The following KAT6A variants were observed in gnomAD, a reference collection of about 807,000 sequenced individuals.
KAT6A encodes the protein lysine acetyltransferase 6A.
KAT6A carries 9 observed loss-of-function variants against 198.4 expected under a neutral mutation model. The ratio of observed to expected loss-of-function variants is 0.05; its 90% CI spans 0.03 to 0.08. KAT6A has a LOEUF of 0.08. Ranked by LOEUF, KAT6A falls within the 10% of genes least tolerant of loss-of-function variation. The pLI is 1.00. For synonymous variants in KAT6A, 890 were observed against 883.0 expected (o/e 1.01, Z -0.14); for missense variants, 2,077 against 2,509.9 (o/e 0.83, Z 3.69).
intron 8 of KAT6A, among the ~76,000 whole-genome samples, chr8:41,968,350 T>C (rs1363590009): frequency 6.6e-6 from 1 of 152,172 alleles, no homozygotes; most frequent in Non-Finnish European, 1.5e-5. Context: ...AAGACATTTA[T>C]GCAGCCAAAA....
intron 2 of KAT6A, among the ~76,000 whole-genome samples, chr8:42,000,503 A>T (rs1825441891): frequency 1.3e-5 from 2 of 151,558 alleles, no homozygotes; most frequent in Non-Finnish European, 2.9e-5. Context: ...GTGAGCCGAG[A>T]TCACACCATT....
chr8:41,979,986 G>A (rs1318441773), intron 5 of KAT6A, among the ~76,000 whole-genome samples: 2 of 152,152 alleles, frequency 1.3e-5, no homozygotes, highest in African/African-American at 4.8e-5. Context: ...ATGGGTGAGG[G>A]GGTGGAATAA....
intron 2 of KAT6A, among the ~76,000 whole-genome samples, chr8:42,014,924 A>C (rs1253624651): frequency 6.6e-6 from 1 of 152,212 alleles, no homozygotes; most frequent in Non-Finnish European, 1.5e-5. Context: ...TTACAGGTTC[A>C]GGATTACGCT....
chr8:41,970,724 G>A (rs552101957), intron 8 of KAT6A, among the ~76,000 whole-genome samples: 6 of 152,308 alleles, frequency 3.9e-5, no homozygotes, highest in South Asian at 2.1e-4. Flanking sequence ...ATTACTGGGT[G>A]TATACCCAAA....
intron 2 of KAT6A, among the ~76,000 whole-genome samples, chr8:42,002,475 C>T (rs1368120473): frequency 6.6e-6 from 1 of 152,148 alleles, no homozygotes; most frequent in African/African-American, 2.4e-5. Flanking sequence ...GCACGAGTAT[C>T]ACTTGAACCT....
rs113017851 is a variant in KAT6A, at chr8:41,979,036, G to C, written c.908-259C>G. Among the ~76,000 whole-genome samples, 296 of 152,338 alleles carry C rather than the reference G, an allele frequency of 1.9e-3. 1 individual carries two copies. The highest frequency in any genetic ancestry group is 3.7e-3 in the Non-Finnish European group (254 of 68,026). ...TGCACTTGAAGTCCACTGAGGCTGA[G>C]GCGGGTGGATCACCTGAGGTCAGGA... On this transcript the variant is annotated intron_variant, in intron 5 of 16. Transcript: ENST00000265713.
chr8:42,012,050 TCACAA>T (rs1826047254), intron 2 of KAT6A, among the ~76,000 whole-genome samples: 1 of 152,052 alleles, frequency 6.6e-6, no homozygotes, highest in Non-Finnish European at 1.5e-5. Context: ...CAAATTAAAA[TCACAA>T]TGAAATACCA....
chr8:41,993,700 GT>G (rs1564051056), intron 2 of KAT6A, among the ~76,000 whole-genome samples: 1 of 152,178 alleles, frequency 6.6e-6, no homozygotes, highest in East Asian at 1.9e-4. Flanking sequence ...GCAACAAATG[GT>G]TTAAATAAAT....
intron 2 of KAT6A, among the ~76,000 whole-genome samples, chr8:41,993,594 TTAAC>T (rs1262763079): frequency 1.3e-5 from 2 of 152,192 alleles, no homozygotes; most frequent in East Asian, 3.8e-4. Flanking sequence ...TCATGACATT[TTAAC>T]TAAGTGATAA....
chr8:41,933,345 C>T lies in KAT6A; in HGVS notation c.4875G>A (p.Gln1625=). The change falls in exon 17 of 17, where the codon CAG becomes CAA. Residue 1625 remains glutamine (Q), a synonymous_variant. Coordinates refer to ENST00000265713, the MANE Select transcript of KAT6A (RefSeq NM_006766.5). The surrounding 1 kb of genome is among the most constrained non-coding windows in gnomAD (Gnocchi z 6.2). ...SCSMMQQSSV[Q]PAANCSIKSP... The stretch of plus-strand genomic sequence containing the variant: ...ACTTGATGCTGCAGTTGGCAGCAGG[C>T]TGGACGCTGCTCTGCTGCATCATGC... 1.3e-6 allele frequency: 2 copies of T among 1,580,826 alleles called. No homozygotes were observed. The highest frequency in any genetic ancestry group is 3.4e-5 in the Admixed American group (2 of 58,750).
intron 7 of KAT6A, among the ~76,000 whole-genome samples, chr8:41,976,596 T>TA (rs1824066609): frequency 6.6e-6 from 1 of 152,120 alleles, no homozygotes; most frequent in Non-Finnish European, 1.5e-5. Flanking sequence ...GTCTTTTTTT[T>TA]ATGCTTAGAT....
At position 41,934,731 on chromosome 8, in the gene KAT6A, C is replaced by G; in HGVS notation, c.3489G>C (p.Trp1163Cys). Reference sequence around the variant, plus strand: ...CTGGTTTTCGACCAGGTCTTTTCTTCCAGTGGATTGGTTTGCGGCTCTTGC... The same window carrying G: ...CTGGTTTTCGACCAGGTCTTTTCTTGCAGTGGATTGGTTTGCGGCTCTTGC... Reference protein sequence around the residue: ...PKGKSRKPIHWKKRPGRKPGF... With the variant: ...PKGKSRKPIHCKKRPGRKPGF... Residue 1163 changes from tryptophan (W) to cysteine (C), a missense_variant, in exon 17 of 17, where the codon TGG (tryptophan) becomes TGC (cysteine). This residue lies in a region of KAT6A where 375 missense variants were observed against 383.0 expected (regional missense o/e 0.98). Transcript: ENST00000265713. 1 of 1,614,176 alleles carries G rather than the reference C, an allele frequency of 6.2e-7. No individual in the cohort carries two copies. Among genetic ancestry groups the G allele is most frequent in the East Asian group, 2.2e-5 (1 of 44,876 alleles).
chr8:42,033,544 T>C (rs1483095949), intron 2 of KAT6A, among the ~76,000 whole-genome samples: 1 of 152,210 alleles, frequency 6.6e-6, no homozygotes, highest in Non-Finnish European at 1.5e-5. Context: ...GTACATGCTG[T>C]TCCCTTTTCA....
chr8:41,967,569 A>G (rs963582810), intron 8 of KAT6A, among the ~76,000 whole-genome samples: 116 of 151,530 alleles, frequency 7.7e-4, no homozygotes, highest in African/African-American at 2.7e-3. Context: ...TTCTTGCGAT[A>G]GTTTACTGAG....
At chr8:42,051,188 C>CG (rs1257005974) in intron 1 of KAT6A, among the ~76,000 whole-genome samples, 1 of 152,060 alleles carries the variant, frequency 6.6e-6, no homozygotes, top group Non-Finnish European at 1.5e-5. Flanking sequence ...GAGGGCGGCG[C>CG]GGGTTGCTGG....
At chr8:42,011,918 A>G (rs530419533) in intron 2 of KAT6A, among the ~76,000 whole-genome samples, 83 of 152,110 alleles carry the variant, frequency 5.5e-4, no homozygotes, top group African/African-American at 2.0e-3. Context: ...AAAGAATAAC[A>G]AAGAGGAAAT....
chr8:42,008,329 T>C (rs544445616), intron 2 of KAT6A, among the ~76,000 whole-genome samples: 1 of 152,192 alleles, frequency 6.6e-6, no homozygotes, highest in Non-Finnish European at 1.5e-5. Flanking sequence ...ACTGAAACCC[T>C]ATCCTTAAGT....
chr8:41,951,303 A>T (rs1822658716), intron 9 of KAT6A, among the ~76,000 whole-genome samples: 1 of 152,174 alleles, frequency 6.6e-6, no homozygotes, highest in Non-Finnish European at 1.5e-5. Context: ...CTTTATTAGA[A>T]CCAAGCCCAC....
In KAT6A at chr8:41,934,164, T is replaced by C; in HGVS notation, c.4056A>G (p.Leu1352=). ...KEEPGVQESF[L]DANMQKSREK... ...CCCTACTCTTCTGCATATTAGCATC[T>C]AAAAAAGACTCTTGAACACCAGGCT... The change falls in exon 17 of 17, where the codon TTA becomes TTG. Residue 1352 remains leucine (L), a synonymous_variant. Coordinates refer to ENST00000265713, the MANE Select transcript of KAT6A (RefSeq NM_006766.5). 6.2e-7 allele frequency: 1 copy of C among 1,614,154 alleles called. No homozygotes were observed. The highest frequency in any genetic ancestry group is 8.5e-7 in the Non-Finnish European group (1 of 1,180,010).
Sources: allele counts gnomAD v4.1 joint callset (sites outside exome capture counted in the v4.1 genomes callset), GRCh38; gene constraint gnomAD v4.1.1; regional missense constraint gnomAD v4.1.1; non-coding constraint Gnocchi (gnomAD v3.1); transcripts MANE v1.5; gene names NCBI Gene and HGNC (gene_info 2026-07-23, HGNC 2026-07-21).